Variants in COA4 observed in about 807,000 individuals in gnomAD.
COA4 encodes cytochrome c oxidase assembly factor 4 homolog.
A neutral mutation model predicts 7.3 loss-of-function variants in COA4; 8 were observed. That is an observed-to-expected ratio of 1.10 (90% CI 0.64 to 1.98). The LOEUF (loss-of-function observed/expected upper bound fraction) is 1.98, where lower values mean the gene tolerates loss of function less well. COA4 is among the 30% of genes most tolerant of loss of function. COA4 has a pLI of 0.00. For synonymous variants in COA4, 42 were observed against 44.3 expected, an observed-to-expected ratio of 0.95 and a Z score of 0.21; for missense variants, 96 against 111.2, an observed-to-expected ratio of 0.86 and a Z score of 0.62.
chr11:73,876,832 T>C lies in COA4; in HGVS notation c.-92A>G. On this transcript the variant is annotated 5_prime_UTR_variant, in exon 1 of 2. Transcript: ENST00000355693. ...GGGTTTCGCAGGCGGTTGGGGATCC[T>C]CTGTACATCCTTTCAGGAACCAGCC... 1 of 530,234 alleles carries C rather than the reference T, an allele frequency of 1.9e-6. No homozygotes were observed. Among genetic ancestry groups the C allele is most frequent in the Non-Finnish European group, 3.0e-6 (1 of 331,878 alleles). The allele number at this position is 530,234 out of a possible 1,614,324, so 32.8% of individuals were successfully genotyped here. A position where few individuals can be genotyped will look rare whatever the true frequency, so the allele number is the denominator to read the frequency against.
chr11:73,874,105 A>T (rs1398004437), intron 1 of COA4, among the ~76,000 whole-genome samples: 1 of 152,136 alleles, frequency 6.6e-6, no homozygotes, highest in African/African-American at 2.4e-5. Flanking sequence ...CCTTGAGCCC[A>T]GGAATTTGAG....
chr11:73,873,412 G>T lies in COA4; in HGVS notation c.-16-18C>A, dbSNP rs775898999. On this transcript the variant is annotated intron_variant, in intron 1 of 1. Coordinates refer to ENST00000355693, the MANE Select transcript of COA4 (RefSeq NM_016565.3). The stretch of plus-strand genomic sequence containing the variant: ...TGGGGAGTCTATAGAACATTAACAG[G>T]TTAGAGTAGGGATATAATATGTAAG... 1 of 1,607,230 alleles carries T rather than the reference G, an allele frequency of 6.2e-7. No individual in the cohort carries two copies. Among genetic ancestry groups the T allele is most frequent in the South Asian group, 1.1e-5 (1 of 90,378 alleles).
At chr11:73,873,441 C>G (rs1948710693) in intron 1 of COA4, 47 bp from the exon 2 acceptor site, 2 of 1,542,918 alleles carry the variant, frequency 1.3e-6, no homozygotes, top group Non-Finnish European at 1.8e-6. Context: ...ATGTAAGGTT[C>G]CTAAATTATA....
At chr11:73,875,775 G>A (rs934642252) in intron 1 of COA4, 1 of 152,210 alleles carries the variant, frequency 6.6e-6, no homozygotes, top group Non-Finnish European at 1.5e-5. Context: ...GGACATAGTA[G>A]GGAGTTTAAG....
Position 73,873,287 on chromosome 11 carries a change from C to A in COA4, c.92G>T (p.Arg31Leu). 1.2e-6 allele frequency: 2 copies of A among 1,614,238 alleles called. No individual in the cohort carries two copies. The highest frequency in any genetic ancestry group is 1.7e-6 in the Non-Finnish European group (2 of 1,180,050). Residue 31 changes from arginine to leucine, a missense_variant, in exon 2 of 2, where the codon CGC becomes CTC. Arg to Leu is a moderately radical substitution (Grantham distance 102, BLOSUM62 -2). Transcript: ENST00000355693. ...AAAGTGGGAGGCAGCACAGCCAGAG[C>A]GGGAGATCAGCTGGTCCAGCGGGTC... ...EEDPLDQLIS[R>L]SGCAASHFAV...
rs534910737 is a variant in COA4 at position 73,876,822 on chromosome 11, T to G, written c.-82A>C. ...GCGGCGGCTTGGGTTTCGCAGGCGG[T>G]TGGGGATCCTCTGTACATCCTTTCA... On this transcript the variant is annotated 5_prime_UTR_variant, in exon 1 of 2. Coordinates refer to ENST00000355693, the MANE Select transcript of COA4 (RefSeq NM_016565.3). The G allele has an allele frequency of 4.6e-5, 21 of 457,122 alleles. No individual in the cohort carries two copies. The highest frequency in any genetic ancestry group is 4.5e-5 in the Admixed American group (1 of 22,256). 28.3% of individuals were successfully genotyped at this position (457,122 alleles called of 1,614,324 possible).
rs1490447674 is a variant in COA4 at position 73,872,925 on chromosome 11, ACAT to A, written c.*187_*189del. ...GGAACAAGACAGCTGAGAATGTATGACATCTGACCATGAACATATGACAGCTGT... is the reference window on the plus strand; with the variant it reads ...GGAACAAGACAGCTGAGAATGTATGACTGACCATGAACATATGACAGCTGT... On this transcript the variant is annotated 3_prime_UTR_variant, in exon 2 of 2. Transcript: ENST00000355693. 2.0e-5 allele frequency: 13 copies of A among 638,610 alleles called. No homozygotes were observed. The highest frequency in any genetic ancestry group is 3.4e-5 in the Non-Finnish European group (13 of 380,720). The allele number at this position is 638,610 out of a possible 1,614,324, so 39.6% of individuals were successfully genotyped here.
At chr11:73,876,692 G>A (rs1948751351) in intron 1 of COA4, 65 bp downstream of exon 1, 1 of 239,398 alleles carries the variant, frequency 4.2e-6, no homozygotes, top group East Asian at 7.5e-5. Flanking sequence ...GCGCGCGCGC[G>A]GCCGCTGATC....
rs1948708500 is a variant in COA4, at chr11:73,873,312, C to T, written c.67G>A (p.Asp23Asn). ...QRVKKDDEEEDPLDQLISRSG... is the reference protein window; with the variant it reads ...QRVKKDDEEENPLDQLISRSG... ...CGGGAGATCAGCTGGTCCAGCGGGTCCTCCTCCTCATCGTCTTTCTTCACC... is the reference window on the plus strand; with the variant it reads ...CGGGAGATCAGCTGGTCCAGCGGGTTCTCCTCCTCATCGTCTTTCTTCACC... Residue 23 changes from aspartate to asparagine, a missense_variant, in exon 2 of 2, where the codon GAC becomes AAC. Physicochemically the swap from Asp to Asn is conservative, Grantham distance 23 (BLOSUM62 1). Coordinates refer to ENST00000355693, the MANE Select transcript of COA4 (RefSeq NM_016565.3). 6.2e-7 allele frequency: 1 copy of T among 1,614,070 alleles called. No homozygotes were observed. The highest frequency in any genetic ancestry group is 1.1e-5 in the South Asian group (1 of 91,084).
chr11:73,874,725 C>T (rs1331643307), intron 1 of COA4, among the ~76,000 whole-genome samples: 1 of 152,134 alleles, frequency 6.6e-6, no homozygotes. Flanking sequence ...CAGTGGCTCA[C>T]ACATGTAATC....
chr11:73,874,223 G>C (rs922725714), intron 1 of COA4, among the ~76,000 whole-genome samples: 1 of 152,076 alleles, frequency 6.6e-6, no homozygotes, highest in Non-Finnish European at 1.5e-5. Context: ...TGAGGCAGTC[G>C]GATCACCTGA....
chr11:73,876,529 A>G (rs1043177776), intron 1 of COA4: 1 of 152,644 alleles, frequency 6.6e-6, no homozygotes, highest in African/African-American at 2.4e-5. Flanking sequence ...CCCTGCTCAG[A>G]GATCAGGGTA....
At chr11:73,873,533 C>G in intron 1 of COA4, 139 bp from the exon 2 acceptor site, 1 of 539,012 alleles carries the variant, frequency 1.9e-6, no homozygotes, top group Non-Finnish European at 3.0e-6. Context: ...AAGACAGATG[C>G]TTGTTTTTTT....
chr11:73,875,257 T>C (rs1274072993), intron 1 of COA4, among the ~76,000 whole-genome samples: 1 of 152,186 alleles, frequency 6.6e-6, no homozygotes, highest in Non-Finnish European at 1.5e-5. Flanking sequence ...CTTCAGCCTT[T>C]GCAAAAATTT....
intron 1 of COA4, among the ~76,000 whole-genome samples, chr11:73,875,443 GAA>G (rs1231883503): frequency 6.6e-6 from 1 of 152,168 alleles, no homozygotes; most frequent in Non-Finnish European, 1.5e-5. Flanking sequence ...CCTAGACAAG[GAA>G]ACAGGGCAGT....
Position 73,873,308 on chromosome 11 carries a change from G to T in COA4, c.71C>A (p.Pro24Gln), listed in dbSNP as rs35017327. The T allele has an allele frequency of 1.9e-6, 3 of 1,614,224 alleles. No individual in the cohort carries two copies. In the Admixed American group the frequency reaches 5.0e-5, roughly 27 times the overall value. Residue 24 changes from proline to glutamine, a missense_variant, in exon 2 of 2, where the codon CCG becomes CAG. By Grantham distance (76) the Pro-to-Gln change is moderately conservative (BLOSUM62 -1). Transcript: ENST00000355693. ...AGAGCGGGAGATCAGCTGGTCCAGCGGGTCCTCCTCCTCATCGTCTTTCTT... is the reference window on the plus strand; with the variant it reads ...AGAGCGGGAGATCAGCTGGTCCAGCTGGTCCTCCTCCTCATCGTCTTTCTT... ...RVKKDDEEEDPLDQLISRSGC... is the reference protein window; with the variant it reads ...RVKKDDEEEDQLDQLISRSGC...
At chr11:73,874,185 T>C (rs112899403) in intron 1 of COA4, among the ~76,000 whole-genome samples, 2,622 of 152,182 alleles carry the variant, frequency 0.017, 73 homozygotes, top group African/African-American at 0.058. Flanking sequence ...CGGTGGCTCA[T>C]GCCTATAATC....
chr11:73,876,381 T>C (rs1948746539), intron 1 of COA4: 1 of 152,172 alleles, frequency 6.6e-6, no homozygotes. Flanking sequence ...TTAATAATAT[T>C]TAATTCGCAC....
intron 1 of COA4, chr11:73,874,375 G>T (rs1163991985): frequency 6.6e-6 from 1 of 150,540 alleles, no homozygotes; most frequent in Non-Finnish European, 1.5e-5. Context: ...TTGAACTCGG[G>T]AGGCGGAGGT....
Sources: gnomAD v4.1 joint callset for allele counts (sites outside exome capture counted in the v4.1 genomes callset) on GRCh38, gnomAD v4.1.1 for gene constraint, MANE v1.5 for transcripts, NCBI Gene and HGNC (gene_info 2026-07-23, HGNC 2026-07-21) for gene names.